Variants in PCSK1 observed in about 807,000 individuals in gnomAD.
PCSK1 encodes the protein neuroendocrine convertase 1.
A neutral mutation model predicts 90.6 loss-of-function variants in PCSK1; 56 were observed. The observed-to-expected ratio is 0.62, with a 90% confidence interval of 0.50 to 0.77. PCSK1 has a LOEUF of 0.77. Among genes scored for constraint, PCSK1 ranks in the 30% least tolerant of loss-of-function variants. The pLI is 0.00. For missense variants in PCSK1, 801 were observed against 932.6 expected (o/e 0.86, Z 1.84); for synonymous variants, 348 against 342.4 (o/e 1.02, Z -0.18).
rs762903219 is a variant in PCSK1 at position 96,395,054 on chromosome 5, A to G, written c.1723-29T>C. On this transcript the variant is annotated intron_variant, in intron 12 of 13. Coordinates refer to ENST00000311106, the MANE Select transcript of PCSK1 (RefSeq NM_000439.5). ...ACAAATAAGCATACCTACATTTAGT[A>G]TGTGTTTTAGATAATATAAAACAAA... 9 of 1,547,086 alleles carry G rather than the reference A, an allele frequency of 5.8e-6. No homozygotes were observed. The South Asian group carries it at 8.9e-5, about 15-fold the overall frequency.
At chr5:96,393,459 G>T in intron 13 of PCSK1, 81 bp from the exon 14 acceptor site, 1 of 1,521,096 alleles carries the variant, frequency 6.6e-7, no homozygotes, top group Non-Finnish European at 9.1e-7. Flanking sequence ...CCTACCACAG[G>T]AACGCTGCCT....
chr5:96,432,031 T>A (rs778089137), intron 1 of PCSK1: 6 of 1,313,242 alleles, frequency 4.6e-6, no homozygotes, highest in Non-Finnish European at 6.4e-6. Context: ...GACCAAGCCT[T>A]CACTTGGACA....
rs755982605 is a variant in PCSK1 at position 96,399,947 on chromosome 5, A to G, written c.1430+6T>C. On this transcript the variant is annotated splice_donor_region_variant and intron_variant, in intron 10 of 13. Transcript: ENST00000311106. ...ACATGTGTTTAAAATTCCAGGAGATACTTACCTGGGCTCAAAGTCATTGTC... is the reference window on the plus strand; with the variant it reads ...ACATGTGTTTAAAATTCCAGGAGATGCTTACCTGGGCTCAAAGTCATTGTC... 16 of 1,598,916 alleles carry G rather than the reference A, an allele frequency of 1.0e-5. No homozygotes were observed. The South Asian group carries it at 1.8e-4, about 18-fold the overall frequency.
chr5:96,425,069 AAAG>A (rs1761264055), intron 3 of PCSK1, among the ~76,000 whole-genome samples: 1 of 147,788 alleles, frequency 6.8e-6, no homozygotes, highest in Admixed American at 6.8e-5. Flanking sequence ...AGAAAGAAAG[AAAG>A]AAAACGTAGG....
At chr5:96,428,908 T>C (rs1761400812) in intron 2 of PCSK1, among the ~76,000 whole-genome samples, 1 of 152,154 alleles carries the variant, frequency 6.6e-6, no homozygotes, top group Admixed American at 6.5e-5. Context: ...AATATTCACT[T>C]TCATGCTCTT....
chr5:96,427,481 T>C (rs141695287), intron 2 of PCSK1, among the ~76,000 whole-genome samples: 15 of 152,316 alleles, frequency 9.8e-5, no homozygotes, highest in Admixed American at 7.2e-4. Flanking sequence ...GTTTCTATGG[T>C]TCCAGAATGT....
intron 4 of PCSK1, among the ~76,000 whole-genome samples, 153 bp from the exon 5 acceptor site, chr5:96,422,109 G>A (rs182976879): frequency 1.4e-4 from 21 of 150,968 alleles, no homozygotes; most frequent in African/African-American, 5.1e-4. Context: ...CCGAGTCACT[G>A]AATATTTATT....
rs529862248 is a variant in PCSK1, at chr5:96,397,483, A to G, written c.1589-14T>C. 4.3e-6 allele frequency: 7 copies of G among 1,609,696 alleles called. No individual in the cohort carries two copies. Among genetic ancestry groups the G allele is most frequent in the Non-Finnish European group, 6.0e-6 (7 of 1,176,012 alleles). ...CAGTGCTAGTTCCTATGAAACAAAT[A>G]CAAGTTAATGAATGTCCTAATAGCT... On this transcript the variant is annotated splice_polypyrimidine_tract_variant and intron_variant, in intron 11 of 13. Coordinates refer to ENST00000311106, the MANE Select transcript of PCSK1 (RefSeq NM_000439.5).
rs1760303553 is a variant in PCSK1, at chr5:96,400,153, C to T, written c.1230G>A (p.Leu410=). ...GGTCATACTCAGAGGTCCAGACAACCAGGTGCTGCATATCTCGCCAGGTGA... is the reference window on the plus strand; with the variant it reads ...GGTCATACTCAGAGGTCCAGACAACTAGGTGCTGCATATCTCGCCAGGTGA... The part of the protein sequence containing the change: ...PNLTWRDMQH[L]VVWTSEYDPL... The change falls in exon 10 of 14, where the codon CTG becomes CTA. Residue 410 remains leucine (L), a synonymous_variant. Transcript: ENST00000311106. The T allele has an allele frequency of 3.7e-6, 6 of 1,614,108 alleles. No individual in the cohort carries two copies. Among genetic ancestry groups the T allele is most frequent in the African/African-American group, 1.3e-5 (1 of 75,052 alleles).
At chr5:96,411,090 C>G (rs746127243) in intron 7 of PCSK1, 104 bp from the exon 8 acceptor site, 29 of 861,084 alleles carry the variant, frequency 3.4e-5, no homozygotes, top group Non-Finnish European at 4.8e-5. Context: ...TTCTCAGAGA[C>G]AGCTATTTGG....
At position 96,400,036 on chromosome 5, in the gene PCSK1, C is replaced by T; in HGVS notation, c.1347G>A (p.Leu449=). ...FGFGLLNAKA[L]VDLADPRTWR... is the part of the protein sequence containing the mutation. ...AGGTCCTGGGGTCAGCTAAATCCAC[C>T]AGAGCTTTGGCATTTAGCAAGCCAA... The change falls in exon 10 of 14, where the codon CTG becomes CTA. Residue 449 remains leucine (L), a synonymous_variant. Transcript: ENST00000311106. The T allele has an allele frequency of 1.2e-6, 2 of 1,614,168 alleles. No homozygotes were observed. The highest frequency in any genetic ancestry group is 2.2e-5 in the East Asian group (1 of 44,890).
intron 5 of PCSK1, among the ~76,000 whole-genome samples, chr5:96,421,119 G>A (rs971178660): frequency 6.6e-6 from 1 of 152,218 alleles, no homozygotes; most frequent in East Asian, 1.9e-4. Flanking sequence ...TGCCTAGAGC[G>A]TGAAGTTTCT....
At chr5:96,412,584 A>AT (rs1760791650) in intron 6 of PCSK1, 94 bp from the exon 7 acceptor site, 1 of 1,212,968 alleles carries the variant, frequency 8.2e-7, no homozygotes, top group Admixed American at 1.9e-5. Context: ...TTTTTAAAGG[A>AT]TTTTAAGAGT....
In PCSK1 at chr5:96,412,750, A is replaced by ATTTTTTTTTTTTTTTT. The variant is rs1451878228; in HGVS notation, c.710-261_710-260insAAAAAAAAAAAAAAAA. Among the ~76,000 whole-genome samples, 6 of 63,382 alleles carry ATTTTTTTTTTTTTTTT rather than the reference A, an allele frequency of 9.5e-5. 1 individual carries two copies. The highest frequency in any genetic ancestry group is 4.8e-4 in the African/African-American group (6 of 12,576). The allele number at this position is 63,382 out of a possible 152,430, so 41.6% of individuals were successfully genotyped here. ...ACCATGCACTGTGTAGGCAGCTGTG[A>ATTTTTTTTTTTTTTTT]TGTTTTTTTTTTTTTTTTTTTTTTT... is the stretch of plus-strand genomic sequence containing the variant. On this transcript the variant is annotated intron_variant, in intron 6 of 13. Transcript: ENST00000311106.
Position 96,433,128 on chromosome 5 carries a change from C to G in PCSK1, c.-86G>C. ...GAAAAGCCAGACAGACTCCCCCTTC[C>G]CACCCTCGGGCTCTAGACCACTCCT... On this transcript the variant is annotated 5_prime_UTR_variant, in exon 1 of 14. Transcript: ENST00000311106. 7.7e-7 allele frequency: 1 copy of G among 1,292,476 alleles called. No individual in the cohort carries two copies. Among genetic ancestry groups the G allele is most frequent in the Non-Finnish European group, 1.1e-6 (1 of 891,738 alleles). The allele number at this position is 1,292,476 out of a possible 1,614,324, so 80.1% of individuals were successfully genotyped here. A position where few individuals can be genotyped will look rare whatever the true frequency, so the allele number is the denominator to read the frequency against.
intron 13 of PCSK1, 27 bp from the exon 14 acceptor site, chr5:96,393,405 G>A (rs747620336): frequency 6.2e-7 from 1 of 1,612,560 alleles, no homozygotes; most frequent in Non-Finnish European, 8.5e-7. Context: ...CATCCACAAA[G>A]GGAAGAAGGT....
At position 96,392,881 on chromosome 5, in the gene PCSK1, G is replaced by A. The variant is rs915412736; in HGVS notation, c.*120C>T. 39 of 1,006,020 alleles carry A rather than the reference G, an allele frequency of 3.9e-5. No individual in the cohort carries two copies. The highest frequency in any genetic ancestry group is 5.4e-5 in the Non-Finnish European group (35 of 647,686). The allele number at this position is 1,006,020 out of a possible 1,614,324, so 62.3% of individuals were successfully genotyped here. On this transcript the variant is annotated 3_prime_UTR_variant, in exon 14 of 14. Transcript: ENST00000311106. ...TACAGTTTAGGGAGAAAAAGAAAAG[G>A]TGCCACAAAGGATATTATAAGCATA...
At chr5:96,401,157 A>G (rs1316072400) in intron 9 of PCSK1, among the ~76,000 whole-genome samples, 1 of 151,298 alleles carries the variant, frequency 6.6e-6, no homozygotes, top group African/African-American at 2.4e-5. Context: ...TTATAATTCT[A>G]TCTGGTGAGT....
intron 6 of PCSK1, among the ~76,000 whole-genome samples, chr5:96,414,610 T>C (rs988549650): frequency 8.5e-5 from 13 of 152,176 alleles, no homozygotes; most frequent in African/African-American, 2.9e-4. Context: ...ATGGAAAACA[T>C]CAGTAGGCTT....
Sources: allele counts gnomAD v4.1 joint callset (sites outside exome capture counted in the v4.1 genomes callset), GRCh38; gene constraint gnomAD v4.1.1; transcripts MANE v1.5; gene names NCBI Gene and HGNC (gene_info 2026-07-23, HGNC 2026-07-21).